NT5DC3: variants seen among roughly 807,000 people sequenced by gnomAD.
NT5DC3 encodes 5'-nucleotidase domain containing 3, also known as 5'-nucleotidase domain-containing protein 3.
NT5DC3 carries 42 observed loss-of-function variants against 67.8 expected under a neutral mutation model. That is an observed-to-expected ratio of 0.62 (90% CI 0.48 to 0.80). The LOEUF is 0.80. Among genes scored for constraint, NT5DC3 ranks in the 30% least tolerant of loss-of-function variants. The pLI, the probability that NT5DC3 is intolerant of heterozygous loss-of-function variation, is 0.00. For synonymous variants in NT5DC3, 237 were observed against 255.6 expected, an observed-to-expected ratio of 0.93 and a Z score of 0.69; for missense variants, 570 against 696.4, an observed-to-expected ratio of 0.82 and a Z score of 2.04.
Position 103,793,494 on chromosome 12 carries a change from G to C in NT5DC3, c.833C>G (p.Ala278Gly). The change falls in exon 8 of 14, where the codon GCT becomes GGT. Residue 278 changes from alanine (A) to glycine (G), a missense_variant. Around this residue, in one of 2 missense-constraint regions of NT5DC3, gnomAD observed 466 missense variants for 608.0 expected, o/e 0.77. Coordinates refer to ENST00000392876, the MANE Select transcript of NT5DC3 (RefSeq NM_001031701.3). ...EADIEKYICY[A>G]EQTRAVLAKL... ...GGCCAACACTGCGCGGGTCTGCTCA[G>C]CATAGCAGATGTACTTTTCTAAGAG... 6.2e-7 allele frequency: 1 copy of C among 1,613,524 alleles called. No individual in the cohort carries two copies. Among genetic ancestry groups the C allele is most frequent in the Non-Finnish European group, 8.5e-7 (1 of 1,179,578 alleles).
chr12:103,812,506 C>A (rs1375311400), intron 2 of NT5DC3, among the ~76,000 whole-genome samples: 1 of 143,118 alleles, frequency 7.0e-6, no homozygotes, highest in African/African-American at 2.5e-5. Context: ...TTATTTTATC[C>A]ATCTATTTCA....
chr12:103,757,401 T>C, the NT5DC3 span, among the ~76,000 whole-genome samples: 3 of 152,204 alleles, frequency 2.0e-5, no homozygotes, highest in Non-Finnish European at 4.4e-5. Context: ...TCAGTGAATA[T>C]TTAGCACTTA....
At chr12:103,759,170 A>G in the NT5DC3 span, 5 of 1,614,146 alleles carry the variant, frequency 3.1e-6, no homozygotes, top group Admixed American at 1.7e-5. Flanking sequence ...CACCTCGCCA[A>G]TGTCAGCATG....
chr12:103,811,983 A>G (rs1254305065), intron 2 of NT5DC3, among the ~76,000 whole-genome samples: 1 of 152,062 alleles, frequency 6.6e-6, no homozygotes, highest in African/African-American at 2.4e-5. Flanking sequence ...TAAAGAGAAG[A>G]AATGCTGACT....
the NT5DC3 span, chr12:103,748,994 C>T: frequency 6.2e-7 from 1 of 1,613,990 alleles, no homozygotes; most frequent in Non-Finnish European, 8.5e-7. Flanking sequence ...ACAACGGGGG[C>T]TGTGCAAAGG....
chr12:103,799,779 A>T (rs1886482344), intron 4 of NT5DC3, among the ~76,000 whole-genome samples: 1 of 138,750 alleles, frequency 7.2e-6, no homozygotes, highest in Non-Finnish European at 1.5e-5. Flanking sequence ...TGGAATCTGC[A>T]AATGAATCCA....
downstream of NT5DC3, chr12:103,768,847 C>G (rs1036052410): frequency 8.6e-5 from 13 of 151,852 alleles, no homozygotes; most frequent in Admixed American, 2.0e-4. Context: ...TCCACATTAG[C>G]TTAGACAGCA....
downstream of NT5DC3, among the ~76,000 whole-genome samples, chr12:103,765,684 G>A (rs1297791409): frequency 6.6e-6 from 1 of 152,136 alleles, no homozygotes; most frequent in Non-Finnish European, 1.5e-5. Context: ...CCGAGTAGCT[G>A]GGCCTACAGG....
chr12:103,747,995 CAAAAAAA>C, the NT5DC3 span, among the ~76,000 whole-genome samples: 28 of 96,734 alleles, frequency 2.9e-4, no homozygotes, highest in East Asian at 6.2e-4. Context: ...ACTCTGTCTC[CAAAAAAA>C]AAAAAAAAAA....
rs376961953 is a variant in NT5DC3, at chr12:103,828,696, C to CTTTTTTTTTTT, written c.208+12252_208+12253insAAAAAAAAAAA. Among the ~76,000 whole-genome samples the CTTTTTTTTTTT allele has an allele frequency of 1.5e-5, 2 of 136,352 alleles. 1 individual carries two copies. The allele number at this position is 136,352 out of a possible 152,430, so 89.5% of individuals were successfully genotyped here. ...TACCACTCTCCTGCATTTTTTCTTTCTTTTTATTTTTTTTTTTTGGAGACG... is the reference window on the plus strand; with the variant it reads ...TACCACTCTCCTGCATTTTTTCTTTCTTTTTTTTTTTTTTTTATTTTTTTTTTTTGGAGACG... On this transcript the variant is annotated intron_variant, in intron 1 of 13. Coordinates refer to ENST00000392876, the MANE Select transcript of NT5DC3 (RefSeq NM_001031701.3).
chr12:103,801,372 CTTTTTTTTTT>C lies in NT5DC3; in HGVS notation c.525-2705_525-2696del, dbSNP rs869237844. Among the ~76,000 whole-genome samples, 479 of 78,950 alleles carry C rather than the reference CTTTTTTTTTT, an allele frequency of 6.1e-3. 3 individuals are homozygous for C. Among genetic ancestry groups the C allele is most frequent in the African/African-American group, 0.025 (457 of 18,424 alleles). The allele number at this position is 78,950 out of a possible 152,430, so 51.8% of individuals were successfully genotyped here. Reference sequence around the variant, plus strand: ...TCCTAATGACTTGCTTTGGGGTGGGCTTTTTTTTTTTTTTTTTTTTTTTTTTTTGAGACGG... The same window carrying C: ...TCCTAATGACTTGCTTTGGGGTGGGCTTTTTTTTTTTTTTTTTTGAGACGG... On this transcript the variant is annotated intron_variant, in intron 4 of 13. Coordinates refer to ENST00000392876, the MANE Select transcript of NT5DC3 (RefSeq NM_001031701.3).
chr12:103,826,298 C>T (rs1887692605), intron 1 of NT5DC3, among the ~76,000 whole-genome samples: 2 of 152,176 alleles, frequency 1.3e-5, no homozygotes, highest in Admixed American at 1.3e-4. Context: ...TGTTATCTTA[C>T]ATGGCAAGGG....
chr12:103,746,725 G>A, the NT5DC3 span: 1 of 1,609,914 alleles, frequency 6.2e-7, no homozygotes, highest in Non-Finnish European at 8.5e-7. Flanking sequence ...TTTGTGCACA[G>A]GTGAAATAGC....
rs1388975021 is a variant in NT5DC3 at position 103,774,091 on chromosome 12, C to T, written c.*3738G>A. 3 of 152,152 alleles carry T rather than the reference C, an allele frequency of 2.0e-5. No homozygotes were observed. The highest frequency in any genetic ancestry group is 2.9e-5 in the Non-Finnish European group (2 of 68,020). 9.4% of individuals were successfully genotyped at this position (152,152 alleles called of 1,614,324 possible). ...AGCCACGTTTCACCCGTAAAAACAACACTGGAAAAAGAAAATCAGCTGTGC... is the reference window on the plus strand; with the variant it reads ...AGCCACGTTTCACCCGTAAAAACAATACTGGAAAAAGAAAATCAGCTGTGC... On this transcript the variant is annotated 3_prime_UTR_variant, in exon 14 of 14. Coordinates refer to ENST00000392876, the MANE Select transcript of NT5DC3 (RefSeq NM_001031701.3).
downstream of NT5DC3, chr12:103,766,103 T>C: frequency 1.3e-6 from 1 of 764,860 alleles, no homozygotes; most frequent in Non-Finnish European, 2.3e-6. Context: ...CTAAAACAGG[T>C]GGCCCTACCC....
At chr12:103,759,054 C>A in the NT5DC3 span, 1 of 1,610,012 alleles carries the variant, frequency 6.2e-7, no homozygotes, top group Middle Eastern at 1.7e-4. Flanking sequence ...AAGCAATTTT[C>A]TTCGTCATCC....
At chr12:103,818,453 G>C (rs114730890) in intron 1 of NT5DC3, among the ~76,000 whole-genome samples, 2,717 of 150,838 alleles carry the variant, frequency 0.018, 95 homozygotes, top group East Asian at 0.18. Flanking sequence ...CCAGCTCACT[G>C]CAACCTCCAC....
In NT5DC3 at chr12:103,793,360, G is replaced by A. The variant is rs559578651; in HGVS notation, c.917+50C>T. ...CAATTTCCAGCTGCTAAAACAAATG[G>A]GATACAAGGAGTGTGCCAGAAGCTA... On this transcript the variant is annotated intron_variant, in intron 8 of 13. Coordinates refer to ENST00000392876, the MANE Select transcript of NT5DC3 (RefSeq NM_001031701.3). The A allele has an allele frequency of 6.4e-6, 10 of 1,560,302 alleles. No homozygotes were observed. In the South Asian group the frequency reaches 1.1e-4, roughly 17 times the overall value.
intron 12 of NT5DC3, among the ~76,000 whole-genome samples, chr12:103,782,455 A>T (rs910422774): frequency 6.6e-6 from 1 of 152,250 alleles, no homozygotes; most frequent in African/African-American, 2.4e-5. Flanking sequence ...ATTGGGACAC[A>T]GCTACAACCA....
Sources: allele counts gnomAD v4.1 joint callset (sites outside exome capture counted in the v4.1 genomes callset), GRCh38; gene constraint gnomAD v4.1.1; regional missense constraint gnomAD v4.1.1; transcripts MANE v1.5; gene names NCBI Gene and HGNC (gene_info 2026-07-23, HGNC 2026-07-21).